ZC3H12B: variants seen among roughly 807,000 people sequenced by gnomAD.
ZC3H12B encodes zinc finger CCCH-type containing 12B.
A neutral mutation model predicts 43.9 loss-of-function variants in ZC3H12B; 7 were observed. The ratio of observed to expected loss-of-function variants is 0.16; its 90% CI spans 0.09 to 0.30. ZC3H12B has a LOEUF of 0.30. Among genes scored for constraint, ZC3H12B ranks in the 10% least tolerant of loss-of-function variants. ZC3H12B has a pLI of 1.00. For missense variants in ZC3H12B, 475 were observed against 670.2 expected (o/e 0.71, Z 3.22); for synonymous variants, 222 against 241.7 (o/e 0.92, Z 0.76).
the ZC3H12B span, among the ~76,000 whole-genome samples, chrX:65,141,519 A>T: frequency 9.2e-6 from 1 of 108,515 alleles, no homozygotes; most frequent in East Asian, 2.9e-4. Context: ...TATTATTATT[A>T]ATTTAATTTT....
intron 2 of ZC3H12B, among the ~76,000 whole-genome samples, chrX:65,388,067 C>T (rs1602361227): frequency 1.8e-5 from 2 of 111,821 alleles, no homozygotes; most frequent in Non-Finnish European, 3.8e-5. Flanking sequence ...TCTGGCTGCC[C>T]TTGCCATTTT....
chrX:65,454,310 A>T (rs2067570301), intron 3 of ZC3H12B, among the ~76,000 whole-genome samples: 1 of 112,458 alleles, frequency 8.9e-6, no homozygotes, highest in African/African-American at 3.2e-5. Context: ...CGGTCTTAGC[A>T]AAGAGCACAC....
intron 3 of ZC3H12B, among the ~76,000 whole-genome samples, chrX:65,451,638 C>T (rs939652244): frequency 1.8e-5 from 2 of 111,817 alleles, no homozygotes; most frequent in African/African-American, 3.3e-5. Context: ...CTGTGCTCAG[C>T]CTTTTGTTGT....
intron 3 of ZC3H12B, among the ~76,000 whole-genome samples, chrX:65,427,652 G>A: frequency 9.0e-6 from 1 of 111,709 alleles, no homozygotes; most frequent in East Asian, 2.8e-4. Flanking sequence ...TTGAGCCTAT[G>A]TGTGTCTTTG....
chrX:65,451,153 T>A (rs1483083802), intron 3 of ZC3H12B, among the ~76,000 whole-genome samples: 7 of 110,193 alleles, frequency 6.4e-5, no homozygotes, highest in Non-Finnish European at 1.1e-4. Flanking sequence ...TTTCACCGTG[T>A]TAGCCAAGCT....
At chrX:65,036,944 G>A in the ZC3H12B span, among the ~76,000 whole-genome samples, 3 of 108,582 alleles carry the variant, frequency 2.8e-5, no homozygotes, top group Non-Finnish European at 5.7e-5. Context: ...GGCTTATTTT[G>A]CAAATGCTAT....
the ZC3H12B span, among the ~76,000 whole-genome samples, chrX:65,079,883 C>CCCAATA: frequency 9.0e-6 from 1 of 110,900 alleles, no homozygotes; most frequent in Non-Finnish European, 1.9e-5. Flanking sequence ...CTAAATAAAC[C>CCCAATA]ACCAGGGGCT....
the ZC3H12B span, among the ~76,000 whole-genome samples, chrX:65,060,935 T>C: frequency 1.8e-5 from 2 of 111,649 alleles, no homozygotes; most frequent in African/African-American, 6.5e-5. Context: ...ATAGCTTCAT[T>C]TTCATTACTT....
chrX:65,403,448 GA>G (rs2066787171), intron 3 of ZC3H12B, among the ~76,000 whole-genome samples: 1 of 111,648 alleles, frequency 9.0e-6, no homozygotes, highest in African/African-American at 3.3e-5. Context: ...CAAACCTAGA[GA>G]AAGTTATTAA....
intron 3 of ZC3H12B, among the ~76,000 whole-genome samples, chrX:65,404,163 G>A (rs2066796252): frequency 9.0e-6 from 1 of 111,530 alleles, no homozygotes. Context: ...AAACCGGGTT[G>A]AGTAGTTACC....
At chrX:65,396,292 C>A (rs769718158) in intron 2 of ZC3H12B, among the ~76,000 whole-genome samples, 5 of 112,089 alleles carry the variant, frequency 4.5e-5, no homozygotes, top group South Asian at 3.7e-4. Context: ...GATTTTAGAT[C>A]TTTTCGGCTT....
chrX:65,046,890 G>A, the ZC3H12B span, among the ~76,000 whole-genome samples: 1 of 110,737 alleles, frequency 9.0e-6, no homozygotes, highest in Non-Finnish European at 1.9e-5. Context: ...CACAGGATAG[G>A]GATGCCCGAG....
Position 65,427,424 on chromosome X carries a change from G to T in ZC3H12B, n.407+28720G>T, listed in dbSNP as rs137932912. On this transcript the variant is annotated intron_variant and non_coding_transcript_variant, in intron 3 of 5. Transcript: ENST00000617377. The stretch of plus-strand genomic sequence containing the variant: ...TTTTACTTAAACCTCAGCCTCCTAG[G>T]TTCAAGAGATTCTTCCACCTCAGCC... 6.4e-4 allele frequency among the ~76,000 whole-genome samples: 71 copies of T among 110,877 alleles called. 1 individual carries two copies. The East Asian group carries it at 0.02, about 31-fold the overall frequency.
At chrX:65,418,444 A>G (rs1189393395) in intron 3 of ZC3H12B, among the ~76,000 whole-genome samples, 1 of 111,633 alleles carries the variant, frequency 9.0e-6, no homozygotes, top group Non-Finnish European at 1.9e-5. Flanking sequence ...GCCAGACCTT[A>G]AGAGTGGGAA....
intron 2 of ZC3H12B, among the ~76,000 whole-genome samples, chrX:65,375,364 G>A (rs1175800131): frequency 1.8e-5 from 2 of 111,666 alleles, no homozygotes; most frequent in African/African-American, 6.5e-5. Context: ...GGCAGTGTAG[G>A]ACACAAGGAC....
chrX:65,056,184 G>T, the ZC3H12B span, among the ~76,000 whole-genome samples: 1 of 110,964 alleles, frequency 9.0e-6, no homozygotes, highest in Non-Finnish European at 1.9e-5. Flanking sequence ...GTGATGTTAG[G>T]GTGTCAATTT....
At chrX:65,162,793 T>C in the ZC3H12B span, among the ~76,000 whole-genome samples, 9 of 112,667 alleles carry the variant, frequency 8.0e-5, no homozygotes, top group African/African-American at 2.9e-4. Context: ...TGTCCAGCTT[T>C]GCTCCTTTGC....
chrX:65,169,481 A>G, the ZC3H12B span, among the ~76,000 whole-genome samples: 2 of 111,860 alleles, frequency 1.8e-5, no homozygotes, highest in African/African-American at 6.5e-5. Flanking sequence ...GAATAAGTGC[A>G]ATATGGTGCT....
chrX:65,391,723 C>G (rs1313652187), intron 2 of ZC3H12B, among the ~76,000 whole-genome samples: 1 of 110,370 alleles, frequency 9.1e-6, no homozygotes, highest in Admixed American at 9.6e-5. Context: ...ATTCAACATT[C>G]TCCCTCTCCC....
Sources: gnomAD v4.1 joint callset for allele counts (sites outside exome capture counted in the v4.1 genomes callset) on GRCh38, gnomAD v4.1.1 for gene constraint, MANE v1.5 for transcripts, NCBI Gene and HGNC (gene_info 2026-07-23, HGNC 2026-07-21) for gene names.